The following NACA variants were observed in gnomAD, a reference collection of about 807,000 sequenced individuals.
NACA encodes nascent polypeptide associated complex subunit alpha.
Under a neutral mutation model 86.4 loss-of-function variants are expected in NACA, and 42 were observed. That is an observed-to-expected ratio of 0.49 (90% CI 0.38 to 0.63). The LOEUF (loss-of-function observed/expected upper bound fraction) is 0.63. Ranked by LOEUF, NACA falls within the 20% of genes least tolerant of loss-of-function variation. The probability of loss-of-function intolerance (pLI) is 0.00; values close to 1 mark genes in which losing one functional copy is unlikely to be tolerated. For synonymous variants in NACA, 898 were observed against 973.7 expected, an observed-to-expected ratio of 0.92 and a Z score of 1.45; for missense variants, 2,157 against 2,483.6, an observed-to-expected ratio of 0.87 and a Z score of 2.80.
Position 56,712,532 on chromosome 12 carries a change from A to G in NACA, c.*6T>C, listed in dbSNP as rs1953247596. On this transcript the variant is annotated 3_prime_UTR_variant, in exon 9 of 9. Transcript: ENST00000454682. ...TGAGACACCAAAAAAAGTTGCTTCC[A>G]TATGGTTACATTGTTAATTCCTGTA... is the stretch of plus-strand genomic sequence containing the variant. 1.2e-6 allele frequency: 2 copies of G among 1,613,390 alleles called. No individual in the cohort carries two copies. The highest frequency in any genetic ancestry group is 1.1e-5 in the South Asian group (1 of 90,982).
rs1953373556 is a variant in NACA at position 56,716,613 on chromosome 12, G to A, written c.4917C>T (p.Ser1639=). 3 of 1,450,616 alleles carry A rather than the reference G, an allele frequency of 2.1e-6. No individual in the cohort carries two copies. The highest frequency in any genetic ancestry group is 2.8e-6 in the Non-Finnish European group (3 of 1,074,032). 89.9% of individuals were successfully genotyped at this position (1,450,616 alleles called of 1,614,324 possible). A position where few individuals can be genotyped will look rare whatever the true frequency, so the allele number is the denominator to read the frequency against. The part of the protein sequence containing the change: ...ATPAPKGTPT[S]PPVTPSSLKD... ...TGAGGGAGGAAGGAGTCACAGGTGGGGAAGTGGGAGTCCCTTTGGGGGCTG... is the reference window on the plus strand; with the variant it reads ...TGAGGGAGGAAGGAGTCACAGGTGGAGAAGTGGGAGTCCCTTTGGGGGCTG... The change falls in exon 3 of 9, where the codon TCC becomes TCT. Residue 1639 remains serine, a synonymous_variant. Coordinates refer to ENST00000454682, the MANE Select transcript of NACA (RefSeq NM_001365896.1).
intron 3 of NACA, among the ~76,000 whole-genome samples, chr12:56,714,943 T>C (rs931592757): frequency 1.8e-4 from 28 of 152,194 alleles, no homozygotes; most frequent in Non-Finnish European, 3.8e-4. Flanking sequence ...CAGTTTAATA[T>C]ACTGTAACTG....
rs766310930 is a variant in NACA, at chr12:56,719,021, G to C, written c.2509C>G (p.Pro837Ala). The C allele has an allele frequency of 6.9e-7, 1 of 1,447,862 alleles. No homozygotes were observed. The highest frequency in any genetic ancestry group is 9.3e-7 in the Non-Finnish European group (1 of 1,071,540). 89.7% of individuals were successfully genotyped at this position (1,447,862 alleles called of 1,614,324 possible). Residue 837 changes from proline (P) to alanine (A), a missense_variant, in exon 3 of 9, where the codon CCA (proline) becomes GCA (alanine). Pro to Ala is a conservative substitution (Grantham distance 27). This residue lies in a region of NACA where 174 missense variants were observed against 217.0 expected (regional missense o/e 0.80). Coordinates refer to ENST00000454682, the MANE Select transcript of NACA (RefSeq NM_001365896.1). ...CCTTGGAAAGAAAGACTATTCTCTG[G>C]AAGAAATGAAGCTTCAACTGGAGAA... ...PVSPVEASFL[P>A]ENSLSFQGSK...
At chr12:56,713,749 A>AT (rs1813346117) in intron 5 of NACA, 66 bp from the exon 6 acceptor site, 1 of 1,469,646 alleles carries the variant, frequency 6.8e-7, no homozygotes, top group Admixed American at 1.9e-5. Context: ...AGCAAGGAAC[A>AT]TAATACAACA....
intron 2 of NACA, among the ~76,000 whole-genome samples, 157 bp downstream of exon 2, chr12:56,724,295 A>G (rs753833333): frequency 3.1e-4 from 47 of 152,300 alleles, no homozygotes; most frequent in Non-Finnish European, 5.1e-4. Context: ...CCAAATCCCT[A>G]AAGAAGTATC....
At position 56,719,493 on chromosome 12, in the gene NACA, T is replaced by A. The variant is rs746982163; in HGVS notation, c.2037A>T (p.Gly679=). Residue 679 remains glycine, a synonymous_variant, in exon 3 of 9, where the codon GGA becomes GGT. Coordinates refer to ENST00000454682, the MANE Select transcript of NACA (RefSeq NM_001365896.1). ...YTTTASPFLE[G]TVSLAPKNHP... ...GGTTTTTAGGAGCTAAAGAGACAGT[T>A]CCTTCTAGAAAAGGGCTGGCTGTAG... 12 of 1,613,764 alleles carry A rather than the reference T, an allele frequency of 7.4e-6. No homozygotes were observed. In the African/African-American group the frequency reaches 1.6e-4, roughly 22 times the overall value.
Position 56,720,500 on chromosome 12 carries a change from A to T in NACA, c.1030T>A (p.Ser344Thr). The T allele has an allele frequency of 6.2e-7, 1 of 1,613,886 alleles. No individual in the cohort carries two copies. Among genetic ancestry groups the T allele is most frequent in the Non-Finnish European group, 8.5e-7 (1 of 1,179,816 alleles). ...GAAGGATAAGAGGCCCCTGTGGAAG[A>T]ATGATCTACAGAAATGGTCTTCACT... ...PTVKTISVDH[S>T]STGASYPSQR... is the part of the protein sequence containing the mutation. The change falls in exon 3 of 9, where the codon TCT becomes ACT. Residue 344 changes from serine (S) to threonine (T), a missense_variant. Ser to Thr is a moderately conservative substitution (Grantham distance 58, BLOSUM62 1). Coordinates refer to ENST00000454682, the MANE Select transcript of NACA (RefSeq NM_001365896.1).
rs1592317571 is a variant in NACA at position 56,718,639 on chromosome 12, G to A, written c.2891C>T (p.Thr964Ile). 2.3e-6 allele frequency: 3 copies of A among 1,327,272 alleles called. No individual in the cohort carries two copies. Among genetic ancestry groups the A allele is most frequent in the South Asian group, 2.8e-5 (2 of 72,002 alleles). The allele number at this position is 1,327,272 out of a possible 1,614,324, so 82.2% of individuals were successfully genotyped here. ...PATPSPKWAPTPPAATPPSPK... is the reference protein window; with the variant it reads ...PATPSPKWAPIPPAATPPSPK... ...GGAGGGAGGAGTTGCAGCTGGGGGT[G>A]TGGGGGCCCATTTCGGGGATGGGGT... is the stretch of plus-strand genomic sequence containing the variant. The change falls in exon 3 of 9, where the codon ACA becomes ATA. Residue 964 changes from threonine (T) to isoleucine (I), a missense_variant. By Grantham distance (89) the Thr-to-Ile change is moderately conservative. This residue lies in a region of NACA where 124 missense variants were observed against 186.5 expected (regional missense o/e 0.66). Transcript: ENST00000454682.
In NACA at chr12:56,717,723, T is replaced by A. The variant is rs747227914; in HGVS notation, c.3807A>T (p.Ala1269=). 9.0e-7 allele frequency: 1 copy of A among 1,109,494 alleles called. No individual in the cohort carries two copies. The highest frequency in any genetic ancestry group is 1.1e-6 in the Non-Finnish European group (1 of 899,646). 68.7% of individuals were successfully genotyped at this position (1,109,494 alleles called of 1,614,324 possible). A position where few individuals can be genotyped will look rare whatever the true frequency, so the allele number is the denominator to read the frequency against. Reference sequence around the variant, plus strand: ...GACCTCCTTTTAGGGAGGGAGGAGTTGCAGCTGGGGGAGTGGGGGCCCCTT... The same window carrying A: ...GACCTCCTTTTAGGGAGGGAGGAGTAGCAGCTGGGGGAGTGGGGGCCCCTT... The part of the protein sequence containing the change: ...PPKGAPTPPA[A]TPPSLKGGLA... Residue 1269 remains alanine, a synonymous_variant, in exon 3 of 9, where the codon GCA becomes GCT. Transcript: ENST00000454682.
At position 56,715,905 on chromosome 12, in the gene NACA, G is replaced by T. The variant is rs778185050; in HGVS notation, c.5625C>A (p.Pro1875=). Residue 1875 remains proline (P), a synonymous_variant, in exon 3 of 9, where the codon CCC becomes CCA. Transcript: ENST00000454682. ...PKSAGIPVPT[P]SAKQPVTKNN... ...TCTTCGTAACAGGTTGCTTGGCAGA[G>T]GGGGTTGGGACAGGGATTCCAGCAG... is the stretch of plus-strand genomic sequence containing the variant. 3 of 1,517,394 alleles carry T rather than the reference G, an allele frequency of 2.0e-6. No homozygotes were observed. In the Admixed American group the frequency reaches 6.7e-5, roughly 34 times the overall value. The allele number at this position is 1,517,394 out of a possible 1,614,324, so 94.0% of individuals were successfully genotyped here. A position where few individuals can be genotyped will look rare whatever the true frequency, so the allele number is the denominator to read the frequency against.
In NACA at chr12:56,718,730, G is replaced by A. The variant is rs1197944178; in HGVS notation, c.2800C>T (p.Pro934Ser). Residue 934 changes from proline (P) to serine (S), a missense_variant, in exon 3 of 9, where the codon CCA becomes TCA. Physicochemically the swap from Pro to Ser is moderately conservative, Grantham distance 74. Around this residue, in one of 8 missense-constraint regions of NACA, gnomAD observed 174 missense variants for 217.0 expected, o/e 0.80. Coordinates refer to ENST00000454682, the MANE Select transcript of NACA (RefSeq NM_001365896.1). ...GGTGTGGGGGCCCCTTTGGGGGATG[G>A]GGAAGCTGGGATTCCTTTAGGGGCT... is the stretch of plus-strand genomic sequence containing the variant. ...TPAPKGIPAS[P>S]SPKGAPTPPA... 6.9e-7 allele frequency: 1 copy of A among 1,443,178 alleles called. No homozygotes were observed. The allele number at this position is 1,443,178 out of a possible 1,614,324, so 89.4% of individuals were successfully genotyped here.
Position 56,717,143 on chromosome 12 carries a change from C to G in NACA, c.4387G>C (p.Gly1463Arg), listed in dbSNP as rs772159678. 1 of 1,276,630 alleles carries G rather than the reference C, an allele frequency of 7.8e-7. No individual in the cohort carries two copies. Among genetic ancestry groups the G allele is most frequent in the African/African-American group, 1.6e-5 (1 of 62,270 alleles). The allele number at this position is 1,276,630 out of a possible 1,614,324, so 79.1% of individuals were successfully genotyped here. Residue 1463 changes from glycine (G) to arginine (R), a missense_variant, in exon 3 of 9, where the codon GGG becomes CGG. Coordinates refer to ENST00000454682, the MANE Select transcript of NACA (RefSeq NM_001365896.1). Reference sequence around the variant, plus strand: ...GTCACTGCTGGGAGGGTGGGATCCCCTTTGGAGGATGGGGTAGCTGGGCCT... The same window carrying G: ...GTCACTGCTGGGAGGGTGGGATCCCGTTTGGAGGATGGGGTAGCTGGGCCT... Reference protein sequence around the residue: ...KGGPATPSSKGDPTLPAVTPP... With the variant: ...KGGPATPSSKRDPTLPAVTPP...
Position 56,712,878 on chromosome 12 carries a change from T to C in NACA, c.6130A>G (p.Ile2044Val). The change falls in exon 8 of 9, where the codon ATT becomes GTT. Residue 2044 changes from isoleucine to valine, a missense_variant. Ile to Val is a conservative substitution (Grantham distance 29, BLOSUM62 3). Coordinates refer to ENST00000454682, the MANE Select transcript of NACA (RefSeq NM_001365896.1). ...VDETGVEVKDIELVMSQANVS... is the reference protein window; with the variant it reads ...VDETGVEVKDVELVMSQANVS... ...TTTGCTTGTGACATGACCAATTCAA[T>C]GTCCTTAACTTCTACACCTGTTTCA... 1 of 1,614,222 alleles carries C rather than the reference T, an allele frequency of 6.2e-7. No individual in the cohort carries two copies. Among genetic ancestry groups the C allele is most frequent in the South Asian group, 1.1e-5 (1 of 91,084 alleles).
In NACA at chr12:56,716,963, T is replaced by C; in HGVS notation, c.4567A>G (p.Arg1523Gly). The part of the protein sequence containing the change: ...PKEVPATPSS[R>G]RDPIAPTATL... ...GCTGTTGGGGCAATGGGGTCCCTTC[T>C]GGAGGATGGGGTAGCTGGGACCTCT... Residue 1523 changes from arginine (R) to glycine (G), a missense_variant, in exon 3 of 9, where the codon AGA (arginine) becomes GGA (glycine). Arg to Gly is a moderately radical substitution (Grantham distance 125, BLOSUM62 -2). Around this residue, in one of 8 missense-constraint regions of NACA, gnomAD observed 797 missense variants for 777.6 expected, o/e 1.02. Coordinates refer to ENST00000454682, the MANE Select transcript of NACA (RefSeq NM_001365896.1). 7.7e-7 allele frequency: 1 copy of C among 1,291,940 alleles called. No homozygotes were observed. 80.0% of individuals were successfully genotyped at this position (1,291,940 alleles called of 1,614,324 possible).
rs1565894540 is a variant in NACA, at chr12:56,717,297, GGAGA to G, written c.4229_4232del (p.Leu1410ProfsTer28). ...CTGGAGTTGCTGGAGCCTTTTTGGGGGAGAGAGGAATCACTGCTGGGGAAGTGGG... is the reference window on the plus strand; with the variant it reads ...CTGGAGTTGCTGGAGCCTTTTTGGGGGAGGAATCACTGCTGGGGAAGTGGG... On this transcript the variant is annotated frameshift_variant, in exon 3 of 9. Coordinates refer to ENST00000454682, the MANE Select transcript of NACA (RefSeq NM_001365896.1). LOFTEE classifies it high-confidence loss of function. The G allele has an allele frequency of 7.4e-7, 1 of 1,343,910 alleles. No individual in the cohort carries two copies. The highest frequency in any genetic ancestry group is 9.7e-7 in the Non-Finnish European group (1 of 1,025,764). The allele number at this position is 1,343,910 out of a possible 1,614,324, so 83.2% of individuals were successfully genotyped here. A position where few individuals can be genotyped will look rare whatever the true frequency, so the allele number is the denominator to read the frequency against.
Position 56,718,637 on chromosome 12 carries a change from G to A in NACA, c.2893C>T (p.Pro965Ser), listed in dbSNP as rs1194013790. The change falls in exon 3 of 9, where the codon CCC becomes TCC. Residue 965 changes from proline (P) to serine (S), a missense_variant. Coordinates refer to ENST00000454682, the MANE Select transcript of NACA (RefSeq NM_001365896.1). The stretch of plus-strand genomic sequence containing the variant: ...GGGGAGGGAGGAGTTGCAGCTGGGG[G>A]TGTGGGGGCCCATTTCGGGGATGGG... ...ATPSPKWAPT[P>S]PAATPPSPKG... is the part of the protein sequence containing the mutation. 2 of 1,302,196 alleles carry A rather than the reference G, an allele frequency of 1.5e-6. No homozygotes were observed. Among genetic ancestry groups the A allele is most frequent in the Non-Finnish European group, 2.0e-6 (2 of 1,006,636 alleles). The allele number at this position is 1,302,196 out of a possible 1,614,324, so 80.7% of individuals were successfully genotyped here. A position where few individuals can be genotyped will look rare whatever the true frequency, so the allele number is the denominator to read the frequency against.
At position 56,714,607 on chromosome 12, in the gene NACA, CTTG is replaced by C; in HGVS notation, c.5737_5739del (p.Gln1913del). ...GTTAGTAAGAGAATACCCACCTGGGCTTGTTGTGTGGTTGCCTGGGTGGAATCC... is the reference window on the plus strand; with the variant it reads ...GTTAGTAAGAGAATACCCACCTGGGCTTGTGTGGTTGCCTGGGTGGAATCC... On this transcript the variant is annotated inframe_deletion, in exon 4 of 9. Coordinates refer to ENST00000454682, the MANE Select transcript of NACA (RefSeq NM_001365896.1). 2 of 1,614,128 alleles carry C rather than the reference CTTG, an allele frequency of 1.2e-6. No homozygotes were observed. The highest frequency in any genetic ancestry group is 1.7e-5 in the Admixed American group (1 of 60,020).
Position 56,712,830 on chromosome 12 carries a change from G to T in NACA, c.6178C>A (p.Arg2060=). ...QANVSRAKAV[R]ALKNNSNDIV... Reference sequence around the variant, plus strand: ...TCATTACTGTTGTTCTTCAGGGCTCGGACTGCCTTTGCTCTCGACACATTT... The same window carrying T: ...TCATTACTGTTGTTCTTCAGGGCTCTGACTGCCTTTGCTCTCGACACATTT... The change falls in exon 8 of 9, where the codon CGA becomes AGA. Residue 2060 remains arginine (R), a synonymous_variant. Transcript: ENST00000454682. 4 of 1,614,092 alleles carry T rather than the reference G, an allele frequency of 2.5e-6. No homozygotes were observed. In the Admixed American group the frequency reaches 6.7e-5, roughly 27 times the overall value.
At position 56,720,651 on chromosome 12, in the gene NACA, C is replaced by T. The variant is rs376706368; in HGVS notation, c.879G>A (p.Ala293=). 1.9e-4 allele frequency: 299 copies of T among 1,613,800 alleles called. No individual in the cohort carries two copies. Among genetic ancestry groups the T allele is most frequent in the Middle Eastern group, 3.3e-4 (2 of 6,062 alleles). The stretch of plus-strand genomic sequence containing the variant: ...GAAAATCTGGGGGGGTGTTGGGACC[C>T]GCAGTCTTTTGAGAAGAGGTCACCA... ...LPVVTSSQKT[A]GPNTPPDFPI... is the part of the protein sequence containing the mutation. The change falls in exon 3 of 9, where the codon GCG becomes GCA. Residue 293 remains alanine (A), a synonymous_variant. Transcript: ENST00000454682.
Sources: gnomAD v4.1 joint callset for allele counts (sites outside exome capture counted in the v4.1 genomes callset) on GRCh38, gnomAD v4.1.1 for gene constraint, gnomAD v4.1.1 regional missense constraint, MANE v1.5 for transcripts, NCBI Gene and HGNC (gene_info 2026-07-23, HGNC 2026-07-21) for gene names.